Variants in TMEM131L observed in about 807,000 individuals in gnomAD.
TMEM131L encodes the protein transmembrane 131 like.
A neutral mutation model predicts 192.2 loss-of-function variants in TMEM131L; 54 were observed. That is an observed-to-expected ratio of 0.28 (90% CI 0.23 to 0.35). The LOEUF (loss-of-function observed/expected upper bound fraction) is 0.35, where lower values mean the gene tolerates loss of function less well. Ranked by LOEUF, TMEM131L falls within the 10% of genes least tolerant of loss-of-function variation. The pLI, the probability that TMEM131L is intolerant of heterozygous loss-of-function variation, is 1.00. For synonymous variants in TMEM131L, 701 were observed against 704.9 expected (o/e 0.99, Z 0.09); for missense variants, 1,888 against 1,972.9 (o/e 0.96, Z 0.82).
intron 7 of TMEM131L, among the ~76,000 whole-genome samples, chr4:153,570,002 TTTTTA>T (rs112256136): frequency 3.3e-5 from 5 of 152,036 alleles, no homozygotes; most frequent in East Asian, 3.8e-4. Flanking sequence ...CAATTTCTTG[TTTTTA>T]TTTTATTTTA....
In TMEM131L at chr4:153,636,241, A is replaced by G. The variant is rs1254174231; in HGVS notation, c.4558-60A>G. On this transcript the variant is annotated intron_variant, in intron 34 of 34. Coordinates refer to ENST00000409959, the MANE Select transcript of TMEM131L (RefSeq NM_001131007.2). ...TTGTAGTATTCGCTGATGTGTATTCACCTTTCTAAGGCTTTTTTTTTTCTT... is the reference window on the plus strand; with the variant it reads ...TTGTAGTATTCGCTGATGTGTATTCGCCTTTCTAAGGCTTTTTTTTTTCTT... 14 of 1,472,752 alleles carry G rather than the reference A, an allele frequency of 9.5e-6. No individual in the cohort carries two copies. In the East Asian group the frequency reaches 3.3e-4, roughly 34 times the overall value. The allele number at this position is 1,472,752 out of a possible 1,614,324, so 91.2% of individuals were successfully genotyped here.
In TMEM131L at chr4:153,586,399, ATGTGTG is replaced by A. The variant is rs746101172; in HGVS notation, c.1482+22_1482+27del. 1 of 1,544,270 alleles carries A rather than the reference ATGTGTG, an allele frequency of 6.5e-7. No individual in the cohort carries two copies. Among genetic ancestry groups the A allele is most frequent in the South Asian group, 1.3e-5 (1 of 78,720 alleles). On this transcript the variant is annotated intron_variant, in intron 14 of 34. Coordinates refer to ENST00000409959, the MANE Select transcript of TMEM131L (RefSeq NM_001131007.2). ...ACCAAGGTATTTTCTACAATACTAT[ATGTGTG>A]TTACAGTTTTCTTAATTACTGTTGC...
rs573057863 is a variant in TMEM131L, at chr4:153,531,768, TG to T, written c.240-18303del. Among the ~76,000 whole-genome samples, 296 of 152,354 alleles carry T rather than the reference TG, an allele frequency of 1.9e-3. 2 individuals carry two copies. Among genetic ancestry groups the T allele is most frequent in the African/African-American group, 6.6e-3 (274 of 41,590 alleles). On this transcript the variant is annotated intron_variant, in intron 3 of 34. Coordinates refer to ENST00000409959, the MANE Select transcript of TMEM131L (RefSeq NM_001131007.2). The stretch of plus-strand genomic sequence containing the variant: ...TAAGAAGAGAGGTCAAGGGATTATT[TG>T]GAGAACTGGCGAATTTAGGATAATT...
At chr4:153,547,598 C>A (rs1387905441) in intron 3 of TMEM131L, among the ~76,000 whole-genome samples, 1 of 152,184 alleles carries the variant, frequency 6.6e-6, no homozygotes, top group African/African-American at 2.4e-5. Flanking sequence ...TGGGGTAGAT[C>A]GTTTCCATTT....
chr4:153,634,791 A>C (rs2126942296), intron 33 of TMEM131L, among the ~76,000 whole-genome samples: 1 of 152,342 alleles, frequency 6.6e-6, no homozygotes, highest in South Asian at 2.1e-4. Context: ...ATAATAAAAA[A>C]ATGAGAGCTA....
chr4:153,590,586 T>A (rs1239152699), intron 16 of TMEM131L, among the ~76,000 whole-genome samples: 1 of 152,264 alleles, frequency 6.6e-6, no homozygotes, highest in African/African-American at 2.4e-5. Flanking sequence ...CTATTGATAA[T>A]CCTTGCCAGA....
At chr4:153,633,516 A>T (rs568408245) in intron 32 of TMEM131L, among the ~76,000 whole-genome samples, 1 of 151,906 alleles carries the variant, frequency 6.6e-6, no homozygotes, top group Non-Finnish European at 1.5e-5. Context: ...GGCATGAGCC[A>T]ATACACCTGG....
intron 7 of TMEM131L, among the ~76,000 whole-genome samples, chr4:153,580,228 CTGT>C (rs1730242295): frequency 6.6e-6 from 1 of 152,188 alleles, no homozygotes; most frequent in African/African-American, 2.4e-5. Flanking sequence ...ATCCCAGGGG[CTGT>C]TAAGATCTTT....
chr4:153,494,567 A>G (rs182191265), intron 3 of TMEM131L, among the ~76,000 whole-genome samples: 1 of 152,352 alleles, frequency 6.6e-6, no homozygotes. Flanking sequence ...AAGGGGAAAC[A>G]GACGTTTAGA....
At chr4:153,540,065 C>G (rs1040361454) in intron 3 of TMEM131L, among the ~76,000 whole-genome samples, 2 of 151,770 alleles carry the variant, frequency 1.3e-5, no homozygotes, top group Admixed American at 6.6e-5. Context: ...GAGCTGAGAT[C>G]GCGCCACTGC....
chr4:153,530,542 G>GT (rs773001730), intron 3 of TMEM131L, among the ~76,000 whole-genome samples: 5 of 152,210 alleles, frequency 3.3e-5, no homozygotes, highest in Non-Finnish European at 5.9e-5. Flanking sequence ...GTAGTTTGAA[G>GT]TTGAGGGTCT....
At chr4:153,541,079 C>T (rs1260564818) in intron 3 of TMEM131L, among the ~76,000 whole-genome samples, 1 of 152,108 alleles carries the variant, frequency 6.6e-6, no homozygotes, top group Non-Finnish European at 1.5e-5. Context: ...GTAGAGTGAC[C>T]TACCCTAGCG....
At chr4:153,580,393 G>A (rs1267182242) in intron 7 of TMEM131L, among the ~76,000 whole-genome samples, 3 of 151,812 alleles carry the variant, frequency 2.0e-5, no homozygotes, top group Non-Finnish European at 4.4e-5. Flanking sequence ...ATGGTTTCTA[G>A]GTCATTGTAC....
At chr4:153,618,075 G>T (rs1733120217) in intron 26 of TMEM131L, among the ~76,000 whole-genome samples, 1 of 152,126 alleles carries the variant, frequency 6.6e-6, no homozygotes, top group Non-Finnish European at 1.5e-5. Context: ...TATACACAGT[G>T]AGTGGCTTTA....
At chr4:153,611,401 C>G (rs1160079632) in intron 25 of TMEM131L, among the ~76,000 whole-genome samples, 1 of 152,206 alleles carries the variant, frequency 6.6e-6, no homozygotes, top group African/African-American at 2.4e-5. Context: ...CTGTCGTGAC[C>G]AGAATCCAAG....
chr4:153,590,766 G>A (rs1731009860), intron 16 of TMEM131L, among the ~76,000 whole-genome samples: 2 of 152,052 alleles, frequency 1.3e-5, no homozygotes, highest in South Asian at 4.1e-4. Context: ...TATTTTTGAT[G>A]ATAAATTGTT....
At chr4:153,605,774 A>T (rs1554040740) in intron 25 of TMEM131L, among the ~76,000 whole-genome samples, 2 of 152,232 alleles carry the variant, frequency 1.3e-5, no homozygotes, top group Non-Finnish European at 2.9e-5. Flanking sequence ...AGGTACAGAA[A>T]TATTATGGAT....
rs200488067 is a variant in TMEM131L, at chr4:153,636,380, A to C, written c.4637A>C (p.Tyr1546Ser). 4 of 1,614,016 alleles carry C rather than the reference A, an allele frequency of 2.5e-6. No individual in the cohort carries two copies. The highest frequency in any genetic ancestry group is 3.4e-6 in the Non-Finnish European group (4 of 1,180,034). The change falls in exon 35 of 35, where the codon TAT becomes TCT. Residue 1546 changes from tyrosine (Y) to serine (S), a missense_variant. Coordinates refer to ENST00000409959, the MANE Select transcript of TMEM131L (RefSeq NM_001131007.2). Reference protein sequence around the residue: ...GSIWAPQSDVYENCCPINPTT... With the variant: ...GSIWAPQSDVSENCCPINPTT... ...ATCTGGGCCCCGCAAAGCGATGTGT[A>C]TGAAAATTGCTGCCCCATCAACCCC...
At chr4:153,610,874 C>G (rs960501389) in intron 25 of TMEM131L, among the ~76,000 whole-genome samples, 1 of 152,142 alleles carries the variant, frequency 6.6e-6, no homozygotes, top group Non-Finnish European at 1.5e-5. Context: ...AATATTTGCT[C>G]TGCCCTATGG....
Sources: allele counts gnomAD v4.1 joint callset (sites outside exome capture counted in the v4.1 genomes callset), GRCh38; gene constraint gnomAD v4.1.1; transcripts MANE v1.5; gene names NCBI Gene and HGNC (gene_info 2026-07-23, HGNC 2026-07-21).